The following HDLBP variants were observed in gnomAD, a reference collection of about 807,000 sequenced individuals.
HDLBP encodes the protein vigilin.
In HDLBP, 30 loss-of-function variants were observed where a neutral mutation model predicts 137.3. The ratio of observed to expected loss-of-function variants is 0.22; its 90% CI spans 0.16 to 0.30. The LOEUF (loss-of-function observed/expected upper bound fraction) is 0.30. Ranked by LOEUF, HDLBP falls within the 10% of genes least tolerant of loss-of-function variation. The probability of loss-of-function intolerance (pLI) is 1.00; values close to 1 mark genes in which losing one functional copy is unlikely to be tolerated. For synonymous variants in HDLBP, 606 were observed against 596.0 expected (o/e 1.02, Z -0.24); for missense variants, 1,119 against 1,667.3 (o/e 0.67, Z 5.73).
In HDLBP at chr2:241,229,406, T is replaced by C. The variant is rs2069447488; in HGVS notation, c.*195A>G. The C allele has an allele frequency of 1.9e-6, 1 of 539,732 alleles. No individual in the cohort carries two copies. Among genetic ancestry groups the C allele is most frequent in the African/African-American group, 1.9e-5 (1 of 52,192 alleles). 33.4% of individuals were successfully genotyped at this position (539,732 alleles called of 1,614,324 possible). On this transcript the variant is annotated 3_prime_UTR_variant, in exon 28 of 28. Transcript: ENST00000310931. ...GTTTAGTGTTAAACAGTGGAGCAGG[T>C]CCTGAGCGGGCACGGCCAGGCCTGG...
intron 9 of HDLBP, 86 bp from the exon 10 acceptor site, chr2:241,253,583 G>A (rs1476842046): frequency 7.9e-6 from 7 of 890,160 alleles, no homozygotes; most frequent in East Asian, 4.8e-5. Context: ...TCTTCGGAGC[G>A]GCTTCTGATC....
At position 241,306,217 on chromosome 2, in the gene HDLBP, ATC is replaced by A. The variant is rs767257421; in HGVS notation, c.-103+9351_-103+9352del. Among the ~76,000 whole-genome samples the A allele has an allele frequency of 6.6e-5, 10 of 151,698 alleles. No homozygotes were observed. In the South Asian group the frequency reaches 2.1e-3, roughly 32 times the overall value. ...AACTGAGTTACCCAGGTTCTGAGGC[ATC>A]TGTTTAAAAAAAAAAATGAAAAATG... On this transcript the variant is annotated intron_variant, in intron 1 of 27. Transcript: ENST00000310931.
At position 241,255,528 on chromosome 2, in the gene HDLBP, T is replaced by C; in HGVS notation, c.926A>G (p.Tyr309Cys). 1 of 1,614,040 alleles carries C rather than the reference T, an allele frequency of 6.2e-7. No individual in the cohort carries two copies. The highest frequency in any genetic ancestry group is 8.5e-7 in the Non-Finnish European group (1 of 1,179,890). ...TGAATTGCCCTTGGGCCCAATGACA[T>C]ACTTGTGTTGGGATTTCTTCACTTC... ...AVEVKKSQHK[Y>C]VIGPKGNSLQ... The change falls in exon 8 of 28, where the codon TAT becomes TGT. Residue 309 changes from tyrosine (Y) to cysteine (C), a missense_variant. Coordinates refer to ENST00000310931, the MANE Select transcript of HDLBP (RefSeq NM_005336.6).
chr2:241,289,895 T>G (rs892539272), intron 1 of HDLBP, among the ~76,000 whole-genome samples: 10 of 151,826 alleles, frequency 6.6e-5, no homozygotes, highest in African/African-American at 2.4e-4. Context: ...CTCCAGCTAC[T>G]GCACGTGTGG....
chr2:241,230,902 C>T lies in HDLBP; in HGVS notation c.3331G>A (p.Glu1111Lys), dbSNP rs2069664026. ...CTCAGTATAGCATCCCTGGCAGCTT[C>T]TGTGTTCTTTTCGTACCCTGTGATG... ...ITITGYEKNT[E>K]AARDAILRIV... The change falls in exon 25 of 28, where the codon GAA becomes AAA. Residue 1111 changes from glutamate (E) to lysine (K), a missense_variant. Transcript: ENST00000310931. This position sits in a 1 kb window ranked among gnomAD's most constrained non-coding sequence, Gnocchi z 5.0. 1 of 1,614,230 alleles carries T rather than the reference C, an allele frequency of 6.2e-7. No homozygotes were observed. Among genetic ancestry groups the T allele is most frequent in the Non-Finnish European group, 8.5e-7 (1 of 1,180,026 alleles).
intron 9 of HDLBP, among the ~76,000 whole-genome samples, chr2:241,254,396 T>C (rs886123836): frequency 6.6e-6 from 1 of 152,224 alleles, no homozygotes; most frequent in African/African-American, 2.4e-5. Flanking sequence ...TTGTTCATGT[T>C]TCCTGGGGGC....
At chr2:241,288,038 TGA>T (rs2074887704) in intron 1 of HDLBP, among the ~76,000 whole-genome samples, 1 of 152,222 alleles carries the variant, frequency 6.6e-6, no homozygotes, top group South Asian at 2.1e-4. Flanking sequence ...TAAGTGTTTG[TGA>T]GAGTTATCAG....
chr2:241,289,974 G>T (rs528316814), intron 1 of HDLBP, among the ~76,000 whole-genome samples: 68 of 152,046 alleles, frequency 4.5e-4, no homozygotes, highest in Non-Finnish European at 2.8e-4. Context: ...AAAAAATCTG[G>T]AAAGTAACAC....
rs2069685462 is a variant in HDLBP at position 241,231,080 on chromosome 2, A to T, written c.3289-136T>A. The T allele has an allele frequency of 8.1e-6, 6 of 741,554 alleles. No homozygotes were observed. In the South Asian group the frequency reaches 1.1e-4, roughly 13 times the overall value. 45.9% of individuals were successfully genotyped at this position (741,554 alleles called of 1,614,324 possible). On this transcript the variant is annotated intron_variant, in intron 24 of 27. Transcript: ENST00000310931. ...GCAACGTCACGGCTGATTTAAAACA[A>T]GAGGTTAACAATGTCCACTCAGGGC...
intron 1 of HDLBP, among the ~76,000 whole-genome samples, chr2:241,291,974 G>A (rs2075026253): frequency 6.6e-6 from 1 of 152,198 alleles, no homozygotes; most frequent in African/African-American, 2.4e-5. Context: ...CAGCCACAGT[G>A]TTGTAATTTG....
chr2:241,272,576 C>A lies in HDLBP; in HGVS notation c.-102-4035G>T. The A allele has an allele frequency of 1.0e-6, 1 of 984,392 alleles. No individual in the cohort carries two copies. 61.0% of individuals were successfully genotyped at this position (984,392 alleles called of 1,614,324 possible). A position where few individuals can be genotyped will look rare whatever the true frequency, so the allele number is the denominator to read the frequency against. On this transcript the variant is annotated intron_variant, in intron 1 of 27. Coordinates refer to ENST00000310931, the MANE Select transcript of HDLBP (RefSeq NM_005336.6). The surrounding 1 kb of genome is among the most constrained non-coding windows in gnomAD (Gnocchi z 5.6). ...CCAGGTCTGGCCCGGAACCGCCACG[C>A]GCGGTAAGCAGGACACCCGCGGGCG...
At chr2:241,292,325 A>G (rs999078280) in intron 1 of HDLBP, among the ~76,000 whole-genome samples, 2 of 152,224 alleles carry the variant, frequency 1.3e-5, no homozygotes, top group East Asian at 3.8e-4. Context: ...GTTCCACAGC[A>G]CAAACAACCC....
chr2:241,301,749 G>A (rs1002153337), intron 1 of HDLBP, among the ~76,000 whole-genome samples: 1 of 151,690 alleles, frequency 6.6e-6, no homozygotes, highest in African/African-American at 2.4e-5. Context: ...GATCCCAAAG[G>A]GCCATCCTTT....
At position 241,280,135 on chromosome 2, in the gene HDLBP, C is replaced by G. The variant is rs570492866; in HGVS notation, c.-102-11594G>C. On this transcript the variant is annotated intron_variant, in intron 1 of 27. Transcript: ENST00000310931. The stretch of plus-strand genomic sequence containing the variant: ...CTAAGTTTAGCACAATTTGCACTCC[C>G]ATACTGAGTGTGGTGGTCAAAGTCA... 32 of 984,360 alleles carry G rather than the reference C, an allele frequency of 3.3e-5. No individual in the cohort carries two copies. In the African/African-American group the frequency reaches 5.1e-4, roughly 16 times the overall value. 61.0% of individuals were successfully genotyped at this position (984,360 alleles called of 1,614,324 possible).
intron 9 of HDLBP, among the ~76,000 whole-genome samples, chr2:241,253,975 C>A (rs776891226): frequency 6.6e-6 from 1 of 152,134 alleles, no homozygotes. Flanking sequence ...CAGACTGGTC[C>A]TTATATGAAG....
intron 21 of HDLBP, chr2:241,236,346 C>T (rs2070436283): frequency 2.0e-6 from 1 of 507,654 alleles, no homozygotes. Context: ...ACAGCCCCCG[C>T]ACCCACCGTG....
intron 1 of HDLBP, among the ~76,000 whole-genome samples, chr2:241,296,308 A>G (rs1244039087): frequency 6.6e-6 from 1 of 152,210 alleles, no homozygotes; most frequent in East Asian, 1.9e-4. Flanking sequence ...TTTTGAAAAC[A>G]TATAAAGTTT....
chr2:241,270,371 C>A (rs1257404115), intron 1 of HDLBP, among the ~76,000 whole-genome samples: 1 of 152,184 alleles, frequency 6.6e-6, no homozygotes, highest in Non-Finnish European at 1.5e-5. Context: ...CTCCAGATTC[C>A]AAGTGGCAGT....
chr2:241,281,017 G>A (rs1295885989), intron 1 of HDLBP, among the ~76,000 whole-genome samples: 2 of 152,174 alleles, frequency 1.3e-5, no homozygotes, highest in Non-Finnish European at 2.9e-5. Context: ...TTTACTTAGA[G>A]CCTAATTAAA....
Sources: allele counts gnomAD v4.1 joint callset (sites outside exome capture counted in the v4.1 genomes callset), GRCh38; gene constraint gnomAD v4.1.1; non-coding constraint Gnocchi (gnomAD v3.1); transcripts MANE v1.5; gene names NCBI Gene and HGNC (gene_info 2026-07-23, HGNC 2026-07-21).